Variants in NELL1 observed in about 807,000 individuals in gnomAD.
NELL1 encodes the protein protein kinase C-binding protein NELL1.
NELL1 carries 76 observed loss-of-function variants against 107.4 expected under a neutral mutation model. The observed-to-expected ratio is 0.71, with a 90% CI of 0.59 to 0.86. The LOEUF is 0.86. Among genes scored for constraint, NELL1 ranks in the 40% least tolerant of loss-of-function variants. The probability of loss-of-function intolerance (pLI) is 0.00; values close to 1 mark genes in which losing one functional copy is unlikely to be tolerated. For missense variants in NELL1, 1,024 were observed against 1,005.5 expected (o/e 1.02, Z -0.25); for synonymous variants, 353 against 341.2 (o/e 1.03, Z -0.38).
At chr11:21,528,509 C>CCT in intron 15 of NELL1, among the ~76,000 whole-genome samples, 1 of 21,260 alleles carries the variant, frequency 4.7e-5, no homozygotes, top group Non-Finnish European at 1.4e-4. Context: ...TTGCACATAC[C>CCT]CACCCCCCCC....
intron 12 of NELL1, among the ~76,000 whole-genome samples, chr11:21,007,631 C>T (rs1852357904): frequency 6.6e-6 from 1 of 151,730 alleles, no homozygotes; most frequent in Non-Finnish European, 1.5e-5. Flanking sequence ...CAGATTCCAT[C>T]CTTTTGGTGT....
chr11:20,979,666 A>G (rs1290815557), intron 12 of NELL1, among the ~76,000 whole-genome samples: 1 of 152,110 alleles, frequency 6.6e-6, no homozygotes, highest in Admixed American at 6.6e-5. Flanking sequence ...TGTTGTTGAA[A>G]TCTTTAAATT....
chr11:21,449,902 G>T (rs1853535568), intron 15 of NELL1, among the ~76,000 whole-genome samples: 1 of 152,120 alleles, frequency 6.6e-6, no homozygotes, highest in African/African-American at 2.4e-5. Flanking sequence ...ATTTTCTGTT[G>T]ATCTGTTTGT....
intron 12 of NELL1, among the ~76,000 whole-genome samples, chr11:21,081,164 T>C (rs1401762857): frequency 6.6e-6 from 1 of 152,132 alleles, no homozygotes; most frequent in African/African-American, 2.4e-5. Context: ...AGGAGACATA[T>C]CACTGCTGTC....
chr11:20,766,753 T>TG (rs1378028182), intron 2 of NELL1, among the ~76,000 whole-genome samples: 34 of 152,004 alleles, frequency 2.2e-4, no homozygotes, highest in African/African-American at 6.3e-4. Flanking sequence ...TTTTTTTTTT[T>TG]TTTGTTTCAG....
At chr11:21,312,590 T>G (rs1043941344) in intron 14 of NELL1, among the ~76,000 whole-genome samples, 1 of 152,130 alleles carries the variant, frequency 6.6e-6, no homozygotes, top group Non-Finnish European at 1.5e-5. Flanking sequence ...TATTCTCTTT[T>G]CTCAGACTAG....
At chr11:21,326,994 G>A (rs1850158176) in intron 14 of NELL1, among the ~76,000 whole-genome samples, 1 of 151,846 alleles carries the variant, frequency 6.6e-6, no homozygotes, top group Admixed American at 6.6e-5. Context: ...ATGATATTAT[G>A]GATACCTATA....
chr11:20,778,681 TC>T (rs1032479458), intron 2 of NELL1, among the ~76,000 whole-genome samples: 2 of 152,048 alleles, frequency 1.3e-5, no homozygotes, highest in Non-Finnish European at 2.9e-5. Context: ...AACGCCATTT[TC>T]CCCCGTTTTA....
chr11:21,130,325 A>G (rs1171629604), intron 13 of NELL1, among the ~76,000 whole-genome samples: 1 of 152,104 alleles, frequency 6.6e-6, no homozygotes, highest in Non-Finnish European at 1.5e-5. Context: ...CTAAGAGATG[A>G]GGACGATAGA....
chr11:20,872,063 A>G (rs2134088792), intron 4 of NELL1, among the ~76,000 whole-genome samples: 1 of 147,984 alleles, frequency 6.8e-6, no homozygotes, highest in African/African-American at 2.5e-5. Context: ...AACTACTTCC[A>G]TCATAGGCTT....
chr11:21,542,928 G>A (rs544937030), intron 16 of NELL1, among the ~76,000 whole-genome samples: 115 of 152,124 alleles, frequency 7.6e-4, no homozygotes, highest in African/African-American at 2.6e-3. Flanking sequence ...TGGGAAACAT[G>A]AGTATATAAA....
chr11:21,044,747 G>A (rs1234201384), intron 12 of NELL1, among the ~76,000 whole-genome samples: 4 of 152,150 alleles, frequency 2.6e-5, no homozygotes, highest in Admixed American at 6.6e-5. Flanking sequence ...TGATTTGATG[G>A]TTGGAGGATG....
chr11:21,057,343 C>G (rs1853637525), intron 12 of NELL1, among the ~76,000 whole-genome samples: 1 of 151,934 alleles, frequency 6.6e-6, no homozygotes, highest in Non-Finnish European at 1.5e-5. Context: ...CACCCTCTCA[C>G]TTTTCTTTTG....
intron 13 of NELL1, among the ~76,000 whole-genome samples, chr11:21,126,107 A>C (rs1415012542): frequency 2.6e-5 from 4 of 152,198 alleles, no homozygotes; most frequent in Non-Finnish European, 5.9e-5. Context: ...CTACAGCTGT[A>C]GGCTAGTTGG....
chr11:20,979,513 C>CT (rs1313894096), intron 12 of NELL1, among the ~76,000 whole-genome samples: 1 of 152,124 alleles, frequency 6.6e-6, no homozygotes, highest in African/African-American at 2.4e-5. Flanking sequence ...ATAATACCTG[C>CT]TTTAAACCAG....
intron 14 of NELL1, among the ~76,000 whole-genome samples, chr11:21,345,171 A>G (rs1850657615): frequency 6.6e-6 from 1 of 152,162 alleles, no homozygotes; most frequent in Non-Finnish European, 1.5e-5. Context: ...TCACTTTGTT[A>G]ATTTGGGCTA....
At chr11:21,309,301 TATATATATATA>T (rs1172419844) in intron 14 of NELL1, among the ~76,000 whole-genome samples, 3 of 77,576 alleles carry the variant, frequency 3.9e-5, no homozygotes, top group African/African-American at 1.1e-4. Context: ...TATATATATG[TATATATATATA>T]ATATATATAT....
At chr11:21,064,968 A>AT (rs1442781029) in intron 12 of NELL1, among the ~76,000 whole-genome samples, 1 of 152,166 alleles carries the variant, frequency 6.6e-6, no homozygotes, top group African/African-American at 2.4e-5. Context: ...ATGTAAACAT[A>AT]TTTTTTACAA....
intron 15 of NELL1, among the ~76,000 whole-genome samples, chr11:21,407,291 C>A (rs2133805514): frequency 6.6e-6 from 1 of 152,156 alleles, no homozygotes; most frequent in African/African-American, 2.4e-5. Flanking sequence ...TGGCGCATGC[C>A]TGTAGTCCTA....
Sources: allele counts gnomAD v4.1 joint callset (sites outside exome capture counted in the v4.1 genomes callset), GRCh38; gene constraint gnomAD v4.1.1; transcripts MANE v1.5; gene names NCBI Gene and HGNC (gene_info 2026-07-23, HGNC 2026-07-21).